The following SPATA13 variants were observed in gnomAD, a reference collection of about 807,000 sequenced individuals.
The protein encoded by SPATA13 is spermatogenesis-associated protein 13.
A neutral mutation model predicts 104.0 loss-of-function variants in SPATA13; 50 were observed. The observed-to-expected ratio is 0.48, with a 90% CI of 0.38 to 0.61. The LOEUF (loss-of-function observed/expected upper bound fraction) is 0.61, where lower values mean the gene tolerates loss of function less well. SPATA13 is among the 20% of genes least tolerant of loss of function. The pLI is 0.00. For synonymous variants in SPATA13, 606 were observed against 667.5 expected, an observed-to-expected ratio of 0.91 and a Z score of 1.42; for missense variants, 1,524 against 1,690.6, an observed-to-expected ratio of 0.90 and a Z score of 1.73.
chr13:24,072,247 C>T (rs1226076765), intron 3 of SPATA13, among the ~76,000 whole-genome samples: 3 of 152,096 alleles, frequency 2.0e-5, no homozygotes, highest in African/African-American at 7.2e-5. Context: ...TTTTTAAAAG[C>T]CCTCAAGTCA....
intron 3 of SPATA13, among the ~76,000 whole-genome samples, chr13:24,086,880 C>T (rs1032854297): frequency 2.0e-5 from 3 of 152,176 alleles, no homozygotes; most frequent in African/African-American, 2.4e-5. Context: ...AGTGGAGCAG[C>T]GAGGTCAGAG....
intron 3 of SPATA13, chr13:24,122,542 C>G (rs563629718): frequency 1.9e-6 from 3 of 1,581,306 alleles, no homozygotes; most frequent in African/African-American, 1.3e-5. Context: ...TGGTCAGTGC[C>G]ACGCCCTTTG....
At chr13:24,203,288 G>C (rs1179756269) in intron 1 of SPATA13, among the ~76,000 whole-genome samples, 1 of 152,038 alleles carries the variant, frequency 6.6e-6, no homozygotes, top group Non-Finnish European at 1.5e-5. Context: ...GTAAATTAGT[G>C]TCAGGGTAAT....
chr13:24,212,895 C>G (rs1593424303), intron 1 of SPATA13, among the ~76,000 whole-genome samples: 2 of 152,340 alleles, frequency 1.3e-5, no homozygotes, highest in Admixed American at 1.3e-4. Flanking sequence ...AAACAACAGT[C>G]AAACAAAACC....
chr13:24,122,855 G>A, intron 3 of SPATA13: 2 of 773,420 alleles, frequency 2.6e-6, no homozygotes, highest in Non-Finnish European at 4.8e-6. Context: ...AGAATTCTAA[G>A]ACATGCTGTT....
chr13:24,201,286 AT>A (rs770683299), intron 1 of SPATA13, among the ~76,000 whole-genome samples: 3 of 151,920 alleles, frequency 2.0e-5, no homozygotes, highest in Non-Finnish European at 4.4e-5. Flanking sequence ...ATAATAGTCT[AT>A]TTTTTAGAGC....
At chr13:24,208,586 C>A (rs1296957446) in intron 1 of SPATA13, among the ~76,000 whole-genome samples, 1 of 99,634 alleles carries the variant, frequency 1.0e-5, no homozygotes, top group South Asian at 3.8e-4. Flanking sequence ...TGGGGACTTT[C>A]CAGACTGATC....
chr13:24,033,721 A>C (rs377191587), intron 3 of SPATA13: 2 of 152,218 alleles, frequency 1.3e-5, no homozygotes, highest in Admixed American at 6.5e-5. Context: ...TAGTGTGCTG[A>C]TGGAGCAGTT....
rs541792727 is a variant in SPATA13 at position 24,071,670 on chromosome 13, C to T, written c.-112+53969C>T. Among the ~76,000 whole-genome samples the T allele has an allele frequency of 3.3e-5, 5 of 152,298 alleles. No individual in the cohort carries two copies. In the East Asian group the frequency reaches 7.7e-4, roughly 23 times the overall value. On this transcript the variant is annotated intron_variant, in intron 3 of 14. Transcript: ENST00000424834. ...AACAGGCACACCCTGCATTGAATCA[C>T]ATCAGATTTAATGTTCCTTGCTGGC...
At chr13:24,131,011 G>C (rs964181708) in intron 3 of SPATA13, among the ~76,000 whole-genome samples, 2 of 152,144 alleles carry the variant, frequency 1.3e-5, no homozygotes, top group African/African-American at 2.4e-5. Flanking sequence ...ACTTGCCTTC[G>C]TGTGAGTCTC....
At chr13:24,167,509 C>T (rs1436165258) in intron 1 of SPATA13, among the ~76,000 whole-genome samples, 6 of 152,234 alleles carry the variant, frequency 3.9e-5, no homozygotes, top group Admixed American at 1.3e-4. Context: ...CCATTTTCCT[C>T]ACCTCTCAAC....
chr13:24,282,715 G>C (rs548968748), intron 4 of SPATA13, among the ~76,000 whole-genome samples: 1 of 152,218 alleles, frequency 6.6e-6, no homozygotes, highest in South Asian at 2.1e-4. Flanking sequence ...CTCATCGTGC[G>C]GGACACCATC....
chr13:23,993,214 T>A (rs1875496494), intron 2 of SPATA13, among the ~76,000 whole-genome samples: 3 of 152,342 alleles, frequency 2.0e-5, no homozygotes, highest in South Asian at 4.1e-4. Flanking sequence ...GCCTGGCACT[T>A]TGCAACTGCA....
At chr13:24,080,207 A>G (rs1478113572) in intron 3 of SPATA13, among the ~76,000 whole-genome samples, 2 of 152,238 alleles carry the variant, frequency 1.3e-5, no homozygotes, top group Non-Finnish European at 2.9e-5. Flanking sequence ...CTTCTCCTTC[A>G]CATGACCGTA....
At chr13:24,155,510 C>A (rs9553203) in intron 3 of SPATA13, among the ~76,000 whole-genome samples, 33,340 of 151,954 alleles carry the variant, frequency 0.22, 3,968 homozygotes, top group African/African-American at 0.31. Flanking sequence ...TGCCTAGATT[C>A]ATTATTTAAA....
At position 24,246,596 on chromosome 13, in the gene SPATA13, A is replaced by G. The variant is rs144356154; in HGVS notation, c.1654-2881A>G. On this transcript the variant is annotated intron_variant, in intron 2 of 12. Coordinates refer to ENST00000382108, the MANE Select transcript of SPATA13 (RefSeq NM_001166271.3). ...TGACTCAGGCCGGGTGTGGTGGCTCACGCCTGTAATCCCAGCACTTTGGGA... is the reference window on the plus strand; with the variant it reads ...TGACTCAGGCCGGGTGTGGTGGCTCGCGCCTGTAATCCCAGCACTTTGGGA... Among the ~76,000 whole-genome samples, 119 of 152,332 alleles carry G rather than the reference A, an allele frequency of 7.8e-4. No homozygotes were observed. The East Asian group carries it at 0.02, about 26-fold the overall frequency.
At chr13:24,271,047 T>A in intron 4 of SPATA13, 3 of 697,244 alleles carry the variant, frequency 4.3e-6, no homozygotes, top group Non-Finnish European at 7.9e-6. Context: ...TCTCACTCTC[T>A]CTCTCTCTCT....
intron 1 of SPATA13, among the ~76,000 whole-genome samples, chr13:24,192,459 T>C (rs1869816152): frequency 6.6e-6 from 1 of 152,040 alleles, no homozygotes; most frequent in East Asian, 1.9e-4. Context: ...CTCTTCCTCC[T>C]CCTACCCGCT....
chr13:24,004,843 C>T (rs1006540035), intron 2 of SPATA13, among the ~76,000 whole-genome samples: 3 of 152,068 alleles, frequency 2.0e-5, no homozygotes, highest in African/African-American at 7.2e-5. Flanking sequence ...CACCTGAGAC[C>T]CCCACATTAA....
Sources: gnomAD v4.1 joint callset for allele counts (sites outside exome capture counted in the v4.1 genomes callset) on GRCh38, gnomAD v4.1.1 for gene constraint, MANE v1.5 for transcripts, NCBI Gene and HGNC (gene_info 2026-07-23, HGNC 2026-07-21) for gene names.